The following IRAK1BP1 variants were observed in gnomAD, a reference collection of about 807,000 sequenced individuals.
IRAK1BP1 encodes interleukin 1 receptor associated kinase 1 binding protein 1.
A neutral mutation model predicts 28.0 loss-of-function variants in IRAK1BP1; 24 were observed. That is an observed-to-expected ratio of 0.86 (90% CI 0.62 to 1.20). IRAK1BP1 has a LOEUF of 1.20. Ranked by LOEUF, IRAK1BP1 falls within the 50% of genes most tolerant of loss-of-function variation. The pLI is 0.00. For synonymous variants in IRAK1BP1, 131 were observed against 116.3 expected (o/e 1.13, Z -0.81); for missense variants, 336 against 316.7 (o/e 1.06, Z -0.46).
exon 5 of IRAK1BP1, chr6:78,946,057 G>A (rs991929259): frequency 1.2e-6 from 2 of 1,612,326 alleles, no homozygotes; most frequent in South Asian, 1.1e-5. Context: ...CTTTGCAGCT[G>A]AAGAAGTAGA....
intron 2 of IRAK1BP1, among the ~76,000 whole-genome samples, chr6:78,888,224 T>C (rs1242358091): frequency 1.3e-5 from 2 of 152,132 alleles, no homozygotes; most frequent in African/African-American, 4.8e-5. Context: ...TCTTACTCAA[T>C]GGGTATAAAG....
the IRAK1BP1 span, among the ~76,000 whole-genome samples, chr6:78,963,437 T>A: frequency 6.6e-6 from 1 of 152,196 alleles, no homozygotes; most frequent in East Asian, 1.9e-4. Context: ...AATTTTTAAA[T>A]GATACTATAA....
Position 78,901,887 on chromosome 6 carries a change from T to C in IRAK1BP1, c.*3553T>C, listed in dbSNP as rs954000552. 1 of 152,212 alleles carries C rather than the reference T, an allele frequency of 6.6e-6. No homozygotes were observed. The highest frequency in any genetic ancestry group is 2.4e-5 in the African/African-American group (1 of 41,456). 9.4% of individuals were successfully genotyped at this position (152,212 alleles called of 1,614,324 possible). A position where few individuals can be genotyped will look rare whatever the true frequency, so the allele number is the denominator to read the frequency against. On this transcript the variant is annotated 3_prime_UTR_variant, in exon 4 of 4. Transcript: ENST00000369940. ...TATAATTGTTGTTTTGTAATATTCC[T>C]TCTCAGGAATATGGGCTAAGGATAT...
At chr6:78,969,979 A>G in the IRAK1BP1 span, 194 of 1,588,356 alleles carry the variant, frequency 1.2e-4, 4 homozygotes, top group Middle Eastern at 1.2e-3. Flanking sequence ...AAAGATGTTC[A>G]AATGTATCTG....
At chr6:78,883,891 T>C (rs1771318865) in intron 1 of IRAK1BP1, among the ~76,000 whole-genome samples, 1 of 152,168 alleles carries the variant, frequency 6.6e-6, no homozygotes, top group Non-Finnish European at 1.5e-5. Flanking sequence ...CATTAGTCAC[T>C]TGTAGCTGTC....
rs139013707 is a variant in IRAK1BP1, at chr6:78,883,816, G to A, written c.316-1562G>A. On this transcript the variant is annotated intron_variant, in intron 1 of 3. Transcript: ENST00000369940. ...TGATGAAATCTCTGTGTCCTGCTCC[G>A]TCCCACCTGGGCATGTGAATCATAC... Among the ~76,000 whole-genome samples the A allele has an allele frequency of 5.3e-5, 8 of 152,124 alleles. No individual in the cohort carries two copies. The East Asian group carries it at 7.7e-4, about 15-fold the overall frequency.
chr6:78,899,185 C>T lies in IRAK1BP1; in HGVS notation c.*851C>T, dbSNP rs994862367. The T allele has an allele frequency of 1.3e-5, 2 of 152,164 alleles. No individual in the cohort carries two copies. Among genetic ancestry groups the T allele is most frequent in the Non-Finnish European group, 2.9e-5 (2 of 68,040 alleles). 9.4% of individuals were successfully genotyped at this position (152,164 alleles called of 1,614,324 possible). A position where few individuals can be genotyped will look rare whatever the true frequency, so the allele number is the denominator to read the frequency against. On this transcript the variant is annotated 3_prime_UTR_variant, in exon 4 of 4. Coordinates refer to ENST00000369940, the MANE Select transcript of IRAK1BP1 (RefSeq NM_001010844.4). ...AGCAAACCTGCTCTTTGCCTCATCC[C>T]TTATAGATGCTCACTCAAAACTCAA...
Position 78,930,227 on chromosome 6 carries a change from G to A in IRAK1BP1, c.*68-15181G>A, listed in dbSNP as rs186523166. Among the ~76,000 whole-genome samples, 48 of 152,222 alleles carry A rather than the reference G, an allele frequency of 3.2e-4. No homozygotes were observed. The East Asian group carries it at 7.5e-3, about 24-fold the overall frequency. On this transcript the variant is annotated intron_variant and NMD_transcript_variant, in intron 4 of 4. Transcript: ENST00000606868. ...CACCACCATGCCCAGCCTTGACAAAGTTTTTTATAACAGTAATTGTTCTAT... is the reference window on the plus strand; with the variant it reads ...CACCACCATGCCCAGCCTTGACAAAATTTTTTATAACAGTAATTGTTCTAT...
rs137972872 is a variant in IRAK1BP1, at chr6:78,894,834, C to T, written c.382-2995C>T. On this transcript the variant is annotated intron_variant, in intron 2 of 3. Transcript: ENST00000369940. ...TGTCATATAAAAGTATTTGGCCGGG[C>T]GCAGTGGCTCACACCTGTAATCCCA... 2.4e-3 allele frequency among the ~76,000 whole-genome samples: 361 copies of T among 152,196 alleles called. 1 individual carries two copies. Among genetic ancestry groups the T allele is most frequent in the African/African-American group, 8.3e-3 (346 of 41,534 alleles).
chr6:78,891,991 C>T (rs1771680937), intron 2 of IRAK1BP1, among the ~76,000 whole-genome samples: 1 of 152,104 alleles, frequency 6.6e-6, no homozygotes. Flanking sequence ...ATATAAGACT[C>T]ATTCCGTTTT....
chr6:78,957,679 C>T, the IRAK1BP1 span: 2 of 151,356 alleles, frequency 1.3e-5, no homozygotes, highest in East Asian at 1.9e-4. Context: ...TACTACTTCT[C>T]AACCAGGAAA....
chr6:78,940,548 GTTTTTTT>G (rs36155238), intron 4 of IRAK1BP1: 16 of 82,716 alleles, frequency 1.9e-4, no homozygotes, highest in Non-Finnish European at 3.1e-4. Context: ...TCGTAAGTTT[GTTTTTTT>G]TTTTTTTTTT....
chr6:78,934,490 A>G (rs1003284287), intron 4 of IRAK1BP1, among the ~76,000 whole-genome samples: 4 of 152,240 alleles, frequency 2.6e-5, no homozygotes, highest in Non-Finnish European at 4.4e-5. Context: ...ATAGCAATAC[A>G]ATAGTGTGTT....
intron 1 of IRAK1BP1, among the ~76,000 whole-genome samples, chr6:78,875,505 A>G (rs1448504564): frequency 7.6e-6 from 1 of 130,742 alleles, no homozygotes; most frequent in Non-Finnish European, 1.8e-5. Flanking sequence ...AATGGATTAG[A>G]TAAAGAAAAT....
At chr6:78,935,609 A>T in intron 4 of IRAK1BP1, 1 of 979,366 alleles carries the variant, frequency 1.0e-6, no homozygotes, top group Non-Finnish European at 1.2e-6. Context: ...ATGTACACAT[A>T]AAAAGGCATA....
chr6:78,882,745 T>C lies in IRAK1BP1; in HGVS notation c.316-2633T>C, dbSNP rs1309860688. Reference sequence around the variant, plus strand: ...CAATACAGTATCATGGATTTGATCCTGTGGTAGTAAAAAGGACATTTAATA... The same window carrying C: ...CAATACAGTATCATGGATTTGATCCCGTGGTAGTAAAAAGGACATTTAATA... On this transcript the variant is annotated intron_variant, in intron 1 of 3. Coordinates refer to ENST00000369940, the MANE Select transcript of IRAK1BP1 (RefSeq NM_001010844.4). Among the ~76,000 whole-genome samples the C allele has an allele frequency of 2.0e-5, 3 of 152,320 alleles. No individual in the cohort carries two copies. In the East Asian group the frequency reaches 5.8e-4, roughly 29 times the overall value.
intron 2 of IRAK1BP1, among the ~76,000 whole-genome samples, chr6:78,888,018 T>TAAAAAAA (rs1448082077): frequency 2.6e-4 from 16 of 62,440 alleles, no homozygotes; most frequent in African/African-American, 8.5e-4. Context: ...AAATATTATT[T>TAAAAAAA]AGCCTTAAAA....
At chr6:78,920,202 C>T (rs1365678088) in intron 4 of IRAK1BP1, among the ~76,000 whole-genome samples, 6 of 152,082 alleles carry the variant, frequency 3.9e-5, no homozygotes. Flanking sequence ...TGCAGTCAGC[C>T]AAGATTGTGC....
intron 2 of IRAK1BP1, among the ~76,000 whole-genome samples, chr6:78,895,436 A>G (rs1771846056): frequency 6.6e-6 from 1 of 152,206 alleles, no homozygotes; most frequent in South Asian, 2.1e-4. Context: ...TCCATCATAA[A>G]TGTGCAAAAA....
Sources: gnomAD v4.1 joint callset for allele counts (sites outside exome capture counted in the v4.1 genomes callset) on GRCh38, gnomAD v4.1.1 for gene constraint, MANE v1.5 for transcripts, NCBI Gene and HGNC (gene_info 2026-07-23, HGNC 2026-07-21) for gene names.